The following SFMBT1 variants were observed in gnomAD, a reference collection of about 807,000 sequenced individuals.
SFMBT1 encodes Scm like with four mbt domains 1, also known as scm-like with four MBT domains protein 1.
Under a neutral mutation model 108.7 loss-of-function variants are expected in SFMBT1, and 32 were observed. The ratio of observed to expected loss-of-function variants is 0.29; its 90% CI spans 0.22 to 0.40. The LOEUF is 0.40. Ranked by LOEUF, SFMBT1 falls within the 10% of genes least tolerant of loss-of-function variation. The pLI is 1.00. For synonymous variants in SFMBT1, 348 were observed against 369.5 expected, an observed-to-expected ratio of 0.94 and a Z score of 0.67; for missense variants, 816 against 1,059.6, an observed-to-expected ratio of 0.77 and a Z score of 3.19.
At chr3:53,040,967 AATTTTTTTTTTTTTTTT>A (rs1177423818) in intron 1 of SFMBT1, among the ~76,000 whole-genome samples, 4 of 72,834 alleles carry the variant, frequency 5.5e-5, no homozygotes, top group Non-Finnish European at 1.2e-4. Context: ...AAGACACCTG[AATTTTTTTTTTTTTTTT>A]TTTTTTTTTT....
At chr3:52,996,952 C>T (rs1294908361) in intron 1 of SFMBT1, among the ~76,000 whole-genome samples, 1 of 149,722 alleles carries the variant, frequency 6.7e-6, no homozygotes, top group Non-Finnish European at 1.5e-5. Context: ...GCCTGCAGTC[C>T]CAGCTACTCC....
At chr3:52,936,773 T>C (rs774386549) in intron 4 of SFMBT1, among the ~76,000 whole-genome samples, 1 of 152,220 alleles carries the variant, frequency 6.6e-6, no homozygotes, top group Admixed American at 6.5e-5. Context: ...TTTCTTCTTC[T>C]TCTTACATCA....
At position 52,925,954 on chromosome 3, in the gene SFMBT1, A is replaced by G. The variant is rs879383788; in HGVS notation, c.1131+77T>C. 26 of 1,317,980 alleles carry G rather than the reference A, an allele frequency of 2.0e-5. No homozygotes were observed. In the Admixed American group the frequency reaches 3.5e-4, roughly 18 times the overall value. 81.6% of individuals were successfully genotyped at this position (1,317,980 alleles called of 1,614,324 possible). A position where few individuals can be genotyped will look rare whatever the true frequency, so the allele number is the denominator to read the frequency against. ...AAGTGAGATGATTATCTTCAGAGCA[A>G]TAACATGGAAAGCAAGGGAAGCACA... On this transcript the variant is annotated intron_variant, in intron 10 of 20. Transcript: ENST00000394752.
intron 1 of SFMBT1, among the ~76,000 whole-genome samples, chr3:53,017,204 G>A (rs1699155201): frequency 6.6e-6 from 1 of 152,076 alleles, no homozygotes; most frequent in South Asian, 2.1e-4. Context: ...AGATAAAGAT[G>A]GGATCCATGC....
Position 52,916,231 on chromosome 3 carries a change from C to T in SFMBT1, c.1416-17G>A. ...GATGGTACTCTGGGTCAAGAAAACA[C>T]AGTAAAATAGTGAGATAATTCTTAA... is the stretch of plus-strand genomic sequence containing the variant. On this transcript the variant is annotated splice_polypyrimidine_tract_variant and intron_variant, in intron 13 of 20. Transcript: ENST00000394752. The T allele has an allele frequency of 6.2e-7, 1 of 1,609,294 alleles. No individual in the cohort carries two copies. Among genetic ancestry groups the T allele is most frequent in the Non-Finnish European group, 8.5e-7 (1 of 1,176,154 alleles).
chr3:53,019,735 T>C (rs1218164782), intron 1 of SFMBT1, among the ~76,000 whole-genome samples: 1 of 152,158 alleles, frequency 6.6e-6, no homozygotes, highest in Non-Finnish European at 1.5e-5. Flanking sequence ...CCAAACTGTC[T>C]CCCTTTCCGC....
At chr3:52,906,303 C>G in intron 19 of SFMBT1, 62 bp from the exon 20 acceptor site, 1 of 1,610,146 alleles carries the variant, frequency 6.2e-7, no homozygotes, top group Non-Finnish European at 8.5e-7. Context: ...CTAAAAAAGT[C>G]TCTCTACCTA....
chr3:53,012,050 C>A (rs2106929352), intron 1 of SFMBT1, among the ~76,000 whole-genome samples: 1 of 152,280 alleles, frequency 6.6e-6, no homozygotes, highest in South Asian at 2.1e-4. Flanking sequence ...CTACATGAGC[C>A]ACTTTGTATA....
chr3:52,948,732 A>G (rs1037367268), intron 3 of SFMBT1, among the ~76,000 whole-genome samples: 2 of 149,650 alleles, frequency 1.3e-5, no homozygotes, highest in African/African-American at 4.9e-5. Flanking sequence ...GGTCACTGCA[A>G]CCTCTGTCTC....
At chr3:53,015,598 G>A (rs1012117865) in intron 1 of SFMBT1, among the ~76,000 whole-genome samples, 1 of 152,134 alleles carries the variant, frequency 6.6e-6, no homozygotes, top group Non-Finnish European at 1.5e-5. Flanking sequence ...CTATTATCTG[G>A]TAATAAAAAC....
intron 1 of SFMBT1, among the ~76,000 whole-genome samples, chr3:53,024,210 G>T (rs1048325563): frequency 6.6e-6 from 1 of 152,138 alleles, no homozygotes; most frequent in Admixed American, 6.6e-5. Context: ...ACAGTCGGGT[G>T]GTGTGCTTGC....
At chr3:52,907,857 A>T (rs1702112042) in intron 17 of SFMBT1, 124 bp from the exon 18 acceptor site, 1 of 854,720 alleles carries the variant, frequency 1.2e-6, no homozygotes, top group South Asian at 1.8e-5. Flanking sequence ...TTTAAATTCC[A>T]TAGAGTGGAA....
At chr3:52,986,001 G>A (rs1281065469) in intron 1 of SFMBT1, among the ~76,000 whole-genome samples, 1 of 151,958 alleles carries the variant, frequency 6.6e-6, no homozygotes, top group African/African-American at 2.4e-5. Flanking sequence ...AAATTAGCTC[G>A]GTGTGGTAGT....
At chr3:52,975,673 T>C (rs1704494509) in intron 1 of SFMBT1, among the ~76,000 whole-genome samples, 1 of 152,132 alleles carries the variant, frequency 6.6e-6, no homozygotes, top group African/African-American at 2.4e-5. Flanking sequence ...GCAATCCCGT[T>C]TTACTGCAAC....
At chr3:53,031,414 A>G (rs1486066192) in intron 1 of SFMBT1, among the ~76,000 whole-genome samples, 2 of 152,228 alleles carry the variant, frequency 1.3e-5, no homozygotes, top group African/African-American at 4.8e-5. Flanking sequence ...CGAGAATCCA[A>G]AGATGCTCAG....
chr3:52,971,221 G>A (rs959287399), intron 1 of SFMBT1, among the ~76,000 whole-genome samples: 2 of 151,518 alleles, frequency 1.3e-5, no homozygotes, highest in East Asian at 1.9e-4. Flanking sequence ...AATCTGATAC[G>A]CTACCGTATT....
rs76424046 is a variant in SFMBT1, at chr3:52,954,945, A to G, written c.29-534T>C. ...TCCATAGAAGAATTCTGTAGGTACT[A>G]TCTTCAAAATATATCCAAAAGCTAG... is the stretch of plus-strand genomic sequence containing the variant. On this transcript the variant is annotated intron_variant, in intron 2 of 20. Transcript: ENST00000394752. Among the ~76,000 whole-genome samples, 1,269 of 152,038 alleles carry G rather than the reference A, an allele frequency of 8.3e-3. 17 individuals carry two copies. Among genetic ancestry groups the G allele is most frequent in the African/African-American group, 0.029 (1,207 of 41,488 alleles).
chr3:52,944,714 T>A (rs1442890319), intron 3 of SFMBT1, among the ~76,000 whole-genome samples: 1 of 151,962 alleles, frequency 6.6e-6, no homozygotes, highest in Non-Finnish European at 1.5e-5. Context: ...AGAGATGGGG[T>A]TTCACCATGT....
At position 52,944,545 on chromosome 3, in the gene SFMBT1, G is replaced by A. The variant is rs930799208; in HGVS notation, c.124-952C>T. Among the ~76,000 whole-genome samples, 5 of 152,250 alleles carry A rather than the reference G, an allele frequency of 3.3e-5. No individual in the cohort carries two copies. The South Asian group carries it at 6.2e-4, about 19-fold the overall frequency. On this transcript the variant is annotated intron_variant, in intron 3 of 20. Coordinates refer to ENST00000394752, the MANE Select transcript of SFMBT1 (RefSeq NM_016329.4). ...TTCTTTTTTATTTTTTTGAGACAAA[G>A]TTTCGCTCTGTTCACCCAGGCTGGA...
Sources: gnomAD v4.1 joint callset for allele counts (sites outside exome capture counted in the v4.1 genomes callset) on GRCh38, gnomAD v4.1.1 for gene constraint, MANE v1.5 for transcripts, NCBI Gene and HGNC (gene_info 2026-07-23, HGNC 2026-07-21) for gene names.